The following LRSAM1 variants were observed in gnomAD, a reference collection of about 807,000 sequenced individuals.
LRSAM1 encodes the protein leucine rich repeat and sterile alpha motif containing 1.
A neutral mutation model predicts 118.1 loss-of-function variants in LRSAM1; 96 were observed. The ratio of observed to expected loss-of-function variants is 0.81; its 90% CI spans 0.69 to 0.96. LRSAM1 has a LOEUF of 0.96. Among genes scored for constraint, LRSAM1 ranks in the 40% least tolerant of loss-of-function variants. LRSAM1 has a pLI of 0.00. For synonymous variants in LRSAM1, 322 were observed against 364.2 expected (o/e 0.88, Z 1.32); for missense variants, 804 against 915.5 (o/e 0.88, Z 1.57).
chr9:127,479,886 C>CGACGCAG lies in LRSAM1; in HGVS notation c.951_952insGACGCAG (p.Asn318AspfsTer47), dbSNP rs1564269903. ...GCCTGAGTGAGCACCAGCGCCACCT[C>CGACGCAG]AACGCAGAGCGGCAGCGGCTGCAGG... On this transcript the variant is annotated frameshift_variant, in exon 14 of 26. Coordinates refer to ENST00000300417, the MANE Select transcript of LRSAM1 (RefSeq NM_001005373.4). LOFTEE classifies it high-confidence loss of function. The CGACGCAG allele has an allele frequency of 6.2e-7, 1 of 1,612,544 alleles. No individual in the cohort carries two copies. Among genetic ancestry groups the CGACGCAG allele is most frequent in the African/African-American group, 1.3e-5 (1 of 75,010 alleles).
intron 15 of LRSAM1, among the ~76,000 whole-genome samples, chr9:127,482,609 C>T (rs1224809273): frequency 6.6e-6 from 1 of 152,234 alleles, no homozygotes; most frequent in Non-Finnish European, 1.5e-5. Context: ...TACTGTCAAC[C>T]AACCTAGTAG....
intron 11 of LRSAM1, among the ~76,000 whole-genome samples, chr9:127,475,570 A>G (rs964528518): frequency 6.6e-6 from 1 of 152,164 alleles, no homozygotes; most frequent in Non-Finnish European, 1.5e-5. Context: ...AAGTTAAAAC[A>G]ACATTGAAAT....
In LRSAM1 at chr9:127,503,209, G is replaced by T; in HGVS notation, c.*310G>T. 2.4e-6 allele frequency: 1 copy of T among 419,846 alleles called. No individual in the cohort carries two copies. Among genetic ancestry groups the T allele is most frequent in the East Asian group, 5.2e-5 (1 of 19,386 alleles). 26.0% of individuals were successfully genotyped at this position (419,846 alleles called of 1,614,324 possible). A position where few individuals can be genotyped will look rare whatever the true frequency, so the allele number is the denominator to read the frequency against. Reference sequence around the variant, plus strand: ...GGATCTGCTGCCTCCCAGCTGTCTTGACTGAAGGCCACCGCCCCTGCAGGA... The same window carrying T: ...GGATCTGCTGCCTCCCAGCTGTCTTTACTGAAGGCCACCGCCCCTGCAGGA... On this transcript the variant is annotated 3_prime_UTR_variant, in exon 26 of 26. Transcript: ENST00000300417.
At chr9:127,456,143 G>T (rs1328363522) in intron 5 of LRSAM1, among the ~76,000 whole-genome samples, 1 of 120,348 alleles carries the variant, frequency 8.3e-6, no homozygotes, top group Non-Finnish European at 1.6e-5. Context: ...TCTAAGTGAA[G>T]TATCTAAATG....
chr9:127,489,859 T>C (rs569253017), intron 19 of LRSAM1, among the ~76,000 whole-genome samples: 2 of 152,298 alleles, frequency 1.3e-5, no homozygotes, highest in Admixed American at 6.5e-5. Context: ...ACTTCCCCAC[T>C]GGGAAAAGCA....
intron 10 of LRSAM1, among the ~76,000 whole-genome samples, chr9:127,469,788 C>A (rs1421650907): frequency 6.6e-6 from 1 of 152,080 alleles, no homozygotes; most frequent in African/African-American, 2.4e-5. Context: ...ACAGTGAAAC[C>A]CTGTCTCTAC....
chr9:127,490,028 T>A (rs1547840), intron 19 of LRSAM1, among the ~76,000 whole-genome samples: 83,135 of 151,892 alleles, frequency 0.55, 23,461 homozygotes, highest in East Asian at 0.81. Context: ...GGTCCTCCTC[T>A]TAGACCCTCC....
chr9:127,469,352 C>T (rs1381147404), intron 10 of LRSAM1, among the ~76,000 whole-genome samples: 2 of 152,028 alleles, frequency 1.3e-5, no homozygotes, highest in Non-Finnish European at 2.9e-5. Flanking sequence ...CACCTGTAAT[C>T]CCAGCTACTC....
rs531794021 is a variant in LRSAM1, at chr9:127,495,153, A to G, written c.1600-167A>G. On this transcript the variant is annotated intron_variant, in intron 21 of 25. Transcript: ENST00000300417. ...TTTAGTAGAGGTGGGGGGTTTCTCCATGTTGGTCAGGCTGGTCTTGAACTC... is the reference window on the plus strand; with the variant it reads ...TTTAGTAGAGGTGGGGGGTTTCTCCGTGTTGGTCAGGCTGGTCTTGAACTC... Among the ~76,000 whole-genome samples the G allele has an allele frequency of 4.7e-4, 71 of 152,008 alleles. 1 individual carries two copies. The South Asian group carries it at 0.014, about 31-fold the overall frequency.
chr9:127,485,794 C>T lies in LRSAM1; in HGVS notation c.1218C>T (p.Tyr406=), dbSNP rs138105071. ...SCKNRLIQMA[Y]ESQRQNLVQQ... The stretch of plus-strand genomic sequence containing the variant: ...AGAACCGGCTCATCCAGATGGCCTA[C>T]GAATCTCAGAGGCAGAACTTGGTCC... The change falls in exon 17 of 26, where the codon TAC becomes TAT. Residue 406 remains tyrosine, a synonymous_variant. Coordinates refer to ENST00000300417, the MANE Select transcript of LRSAM1 (RefSeq NM_001005373.4). The T allele has an allele frequency of 9.9e-6, 16 of 1,613,928 alleles. No individual in the cohort carries two copies. The highest frequency in any genetic ancestry group is 9.3e-5 in the African/African-American group (7 of 74,888).
intron 15 of LRSAM1, 109 bp from the exon 16 acceptor site, chr9:127,482,841 G>A: frequency 2.0e-6 from 2 of 985,878 alleles, no homozygotes; most frequent in African/African-American, 1.6e-5. Context: ...CCATCTAGGT[G>A]TAGGTTGCCA....
chr9:127,498,923 G>C lies in LRSAM1; in HGVS notation c.1912+1589G>C, dbSNP rs140676708. ...AAAATACAAAAATTAGCCAGGCGTG[G>C]TGGCGTGCACCTGTAGTCCCAGACT... On this transcript the variant is annotated intron_variant, in intron 24 of 25. Transcript: ENST00000300417. Among the ~76,000 whole-genome samples the C allele has an allele frequency of 5.8e-4, 88 of 152,056 alleles. 1 individual carries two copies. Among genetic ancestry groups the C allele is most frequent in the African/African-American group, 2.1e-3 (87 of 41,496 alleles).
intron 6 of LRSAM1, among the ~76,000 whole-genome samples, chr9:127,458,042 A>T (rs1383537000): frequency 6.6e-6 from 1 of 151,008 alleles, no homozygotes; most frequent in Non-Finnish European, 1.5e-5. Flanking sequence ...GTGTGTGCAC[A>T]TGTATAAATA....
rs142372610 is a variant in LRSAM1 at position 127,452,644 on chromosome 9, G to A, written c.-33+560G>A. On this transcript the variant is annotated intron_variant, in intron 2 of 25. Transcript: ENST00000300417. ...CTAGGGGCTTGACATACATGAAGTCGCTGGATCCTCATAGAAGCCAGTGTT... is the reference window on the plus strand; with the variant it reads ...CTAGGGGCTTGACATACATGAAGTCACTGGATCCTCATAGAAGCCAGTGTT... Among the ~76,000 whole-genome samples the A allele has an allele frequency of 3.3e-5, 5 of 152,302 alleles. No individual in the cohort carries two copies. The East Asian group carries it at 9.6e-4, about 29-fold the overall frequency.
In LRSAM1 at chr9:127,503,151, C is replaced by G; in HGVS notation, c.*252C>G. On this transcript the variant is annotated 3_prime_UTR_variant, in exon 26 of 26. Coordinates refer to ENST00000300417, the MANE Select transcript of LRSAM1 (RefSeq NM_001005373.4). ...CTGGAGAGGCCGCTGCACCACCACC[C>G]GAGCCTGGGAGCCAGCGTCCCAGCC... The G allele has an allele frequency of 3.7e-6, 2 of 544,374 alleles. No homozygotes were observed. Among genetic ancestry groups the G allele is most frequent in the Non-Finnish European group, 6.6e-6 (2 of 302,700 alleles). The allele number at this position is 544,374 out of a possible 1,614,324, so 33.7% of individuals were successfully genotyped here. A position where few individuals can be genotyped will look rare whatever the true frequency, so the allele number is the denominator to read the frequency against.
At chr9:127,460,847 CTTTTTT>C (rs58140930) in intron 7 of LRSAM1, among the ~76,000 whole-genome samples, 1,159 of 77,346 alleles carry the variant, frequency 0.015, 11 homozygotes, top group African/African-American at 0.056. Flanking sequence ...CTGTTTCTTT[CTTTTTT>C]TTTTTTTTTT....
At chr9:127,483,897 A>G (rs1835630056) in intron 16 of LRSAM1, among the ~76,000 whole-genome samples, 1 of 151,914 alleles carries the variant, frequency 6.6e-6, no homozygotes, top group Non-Finnish European at 1.5e-5. Context: ...TCCTGACCTC[A>G]AGTGATCGCC....
intron 17 of LRSAM1, among the ~76,000 whole-genome samples, chr9:127,486,203 C>A: frequency 6.6e-6 from 1 of 152,248 alleles, no homozygotes; most frequent in East Asian, 1.9e-4. Context: ...AGGAAGCAAG[C>A]CAGCAGGTGG....
chr9:127,472,990 A>G (rs1054234627), intron 10 of LRSAM1, among the ~76,000 whole-genome samples: 1 of 152,134 alleles, frequency 6.6e-6, no homozygotes, highest in Non-Finnish European at 1.5e-5. Flanking sequence ...CCATCCCATG[A>G]GGAGTGGCTG....
Sources: allele counts gnomAD v4.1 joint callset (sites outside exome capture counted in the v4.1 genomes callset), GRCh38; gene constraint gnomAD v4.1.1; transcripts MANE v1.5; gene names NCBI Gene and HGNC (gene_info 2026-07-23, HGNC 2026-07-21).